Variants in LGSN observed in about 807,000 individuals in gnomAD.
The protein encoded by LGSN is lengsin, lens protein with glutamine synthetase domain.
Under a neutral mutation model 19.5 loss-of-function variants are expected in LGSN, and 21 were observed. The ratio of observed to expected loss-of-function variants is 1.07; its 90% CI spans 0.76 to 1.55. LGSN has a LOEUF of 1.55. Ranked by LOEUF, LGSN falls within the 40% of genes most tolerant of loss-of-function variation. The probability of loss-of-function intolerance (pLI) is 0.00; values close to 1 mark genes in which losing one functional copy is unlikely to be tolerated. For synonymous variants in LGSN, 257 were observed against 215.6 expected (o/e 1.19, Z -1.68); for missense variants, 673 against 608.5 (o/e 1.11, Z -1.12).
At chr6:63,449,135 T>C in the LGSN span, among the ~76,000 whole-genome samples, 2 of 152,048 alleles carry the variant, frequency 1.3e-5, no homozygotes, top group Non-Finnish European at 2.9e-5. Flanking sequence ...CTGGAACCAA[T>C]GCCCTGCAGA....
the LGSN span, among the ~76,000 whole-genome samples, chr6:63,400,560 T>C: frequency 2.6e-5 from 4 of 152,242 alleles, no homozygotes; most frequent in Non-Finnish European, 5.9e-5. Context: ...TTTCTGTCAA[T>C]GTTGCAATGT....
chr6:63,570,927 C>T, the LGSN span: 1 of 152,164 alleles, frequency 6.6e-6, no homozygotes, highest in Non-Finnish European at 1.5e-5. Context: ...ATGAGTTCCC[C>T]AGCCTGCTTA....
chr6:63,429,022 A>G, the LGSN span, among the ~76,000 whole-genome samples: 4 of 152,280 alleles, frequency 2.6e-5, no homozygotes, highest in African/African-American at 4.8e-5. Flanking sequence ...TCTTAAAAAG[A>G]AAAAATTACA....
At chr6:63,519,173 G>A in the LGSN span, among the ~76,000 whole-genome samples, 1 of 152,124 alleles carries the variant, frequency 6.6e-6, no homozygotes, top group African/African-American at 2.4e-5. Flanking sequence ...TGGGCATGAT[G>A]GTGGGTGCCT....
the LGSN span, among the ~76,000 whole-genome samples, chr6:63,489,673 A>G: frequency 0.54 from 81,510 of 151,954 alleles, 23,678 homozygotes; most frequent in African/African-American, 0.77. Context: ...CCCGACCTGG[A>G]TTTTATTTAT....
chr6:63,541,093 T>C, the LGSN span, among the ~76,000 whole-genome samples: 1 of 152,018 alleles, frequency 6.6e-6, no homozygotes, highest in Non-Finnish European at 1.5e-5. Context: ...GAATGAATAG[T>C]GTGCCCTAAA....
chr6:63,331,841 A>G, the LGSN span, among the ~76,000 whole-genome samples: 146,796 of 152,178 alleles, frequency 0.96, 70,807 homozygotes, highest in East Asian at 1. Context: ...AGGACTGACC[A>G]AGAAAAATCG....
chr6:63,537,875 G>A, the LGSN span, among the ~76,000 whole-genome samples: 1 of 152,212 alleles, frequency 6.6e-6, no homozygotes, highest in Non-Finnish European at 1.5e-5. Flanking sequence ...GCCGTAGTGA[G>A]AGAGAAGTTG....
chr6:63,316,648 T>C (rs1768876505), intron 1 of LGSN, among the ~76,000 whole-genome samples: 1 of 152,240 alleles, frequency 6.6e-6, no homozygotes, highest in Admixed American at 6.5e-5. Context: ...GCTAAAAATA[T>C]ATTTATCCAT....
the LGSN span, among the ~76,000 whole-genome samples, chr6:63,560,380 A>G: frequency 2.0e-5 from 3 of 151,064 alleles, no homozygotes; most frequent in Non-Finnish European, 4.4e-5. Context: ...AGAAGTGAAA[A>G]GTAAAAAACA....
the LGSN span, among the ~76,000 whole-genome samples, chr6:63,446,051 C>G: frequency 6.6e-6 from 1 of 152,044 alleles, no homozygotes; most frequent in Admixed American, 6.6e-5. Context: ...GAGTTCGAGA[C>G]CAGCCCAGCC....
the LGSN span, among the ~76,000 whole-genome samples, chr6:63,527,480 A>C: frequency 6.6e-6 from 1 of 152,158 alleles, no homozygotes; most frequent in Non-Finnish European, 1.5e-5. Context: ...ATATCTCAAA[A>C]GCTTTTCAAA....
At chr6:63,548,425 C>T in the LGSN span, among the ~76,000 whole-genome samples, 2 of 152,190 alleles carry the variant, frequency 1.3e-5, no homozygotes, top group African/African-American at 4.8e-5. Flanking sequence ...GTTTGCTACT[C>T]ACAGCAGTAT....
the LGSN span, among the ~76,000 whole-genome samples, chr6:63,359,048 GTTGAATT>G: frequency 6.6e-6 from 1 of 152,164 alleles, no homozygotes; most frequent in Non-Finnish European, 1.5e-5. Flanking sequence ...ATGAAGCGCT[GTTGAATT>G]TTGTCAAAGG....
the LGSN span, among the ~76,000 whole-genome samples, chr6:63,448,367 C>A: frequency 6.6e-6 from 1 of 152,180 alleles, no homozygotes; most frequent in Non-Finnish European, 1.5e-5. Flanking sequence ...ATGCCTAAAT[C>A]TCCCATGAGT....
At chr6:63,446,701 A>T in the LGSN span, among the ~76,000 whole-genome samples, 2 of 152,208 alleles carry the variant, frequency 1.3e-5, no homozygotes, top group Non-Finnish European at 2.9e-5. Flanking sequence ...CTGGCTGTTA[A>T]GTTGATGTGA....
At chr6:63,319,857 T>A (rs569803794) in intron 1 of LGSN, 57 bp downstream of exon 1, 24 of 1,263,204 alleles carry the variant, frequency 1.9e-5, no homozygotes, top group Admixed American at 5.1e-5. Context: ...TGACATTTTT[T>A]AAAAAGATTT....
At chr6:63,555,903 A>G in the LGSN span, among the ~76,000 whole-genome samples, 1 of 152,080 alleles carries the variant, frequency 6.6e-6, no homozygotes, top group African/African-American at 2.4e-5. Context: ...TATGTTGGCC[A>G]GGCTGGCGAA....
At chr6:63,345,177 A>C in the LGSN span, among the ~76,000 whole-genome samples, 1 of 152,224 alleles carries the variant, frequency 6.6e-6, no homozygotes, top group South Asian at 2.1e-4. Context: ...AAACATTAGC[A>C]ATAGAAGGAT....
Sources: gnomAD v4.1 joint callset for allele counts (sites outside exome capture counted in the v4.1 genomes callset) on GRCh38, gnomAD v4.1.1 for gene constraint, MANE v1.5 for transcripts, NCBI Gene and HGNC (gene_info 2026-07-23, HGNC 2026-07-21) for gene names.